Variants in KMT2C observed in about 807,000 individuals in gnomAD.
The protein encoded by KMT2C is histone-lysine N-methyltransferase 2C.
In KMT2C, 88 loss-of-function variants were observed where a neutral mutation model predicts 507.9. The ratio of observed to expected loss-of-function variants is 0.17; its 90% CI spans 0.15 to 0.21. The LOEUF (loss-of-function observed/expected upper bound fraction) is 0.21, where lower values mean the gene tolerates loss of function less well. Ranked by LOEUF, KMT2C falls within the 10% of genes least tolerant of loss-of-function variation. The pLI is 1.00. For missense variants in KMT2C, 4,954 were observed against 5,957.8 expected (o/e 0.83, Z 5.55); for synonymous variants, 2,049 against 2,080.8 (o/e 0.98, Z 0.42).
chr7:152,317,671 A>T (rs1253646999), intron 3 of KMT2C, among the ~76,000 whole-genome samples: 2 of 152,222 alleles, frequency 1.3e-5, no homozygotes, highest in Non-Finnish European at 2.9e-5. Flanking sequence ...ATTCTAACCC[A>T]CACAAAGGCT....
chr7:152,387,791 G>A (rs1156445634), intron 1 of KMT2C, among the ~76,000 whole-genome samples: 1 of 151,874 alleles, frequency 6.6e-6, no homozygotes, highest in African/African-American at 2.4e-5. Context: ...TGTTTTCAAA[G>A]AATATATATG....
chr7:152,397,765 T>C (rs1247625908), intron 1 of KMT2C, among the ~76,000 whole-genome samples: 1 of 152,174 alleles, frequency 6.6e-6, no homozygotes, highest in African/African-American at 2.4e-5. Flanking sequence ...CGAGATATGA[T>C]AGTTTTGTAA....
At chr7:152,228,282 C>T (rs1207574490) in intron 18 of KMT2C, among the ~76,000 whole-genome samples, 2 of 152,098 alleles carry the variant, frequency 1.3e-5, no homozygotes. Context: ...GGTTCTAAAA[C>T]CATAAAGTTT....
intron 1 of KMT2C, among the ~76,000 whole-genome samples, chr7:152,421,654 T>G (rs1036700201): frequency 1.3e-5 from 2 of 152,220 alleles, no homozygotes; most frequent in African/African-American, 4.8e-5. Context: ...CCAAATACTG[T>G]GTGTTCTAAC....
At chr7:152,153,043 T>C (rs964272806) in intron 48 of KMT2C, 89 bp from the exon 49 acceptor site, 54 of 1,462,302 alleles carry the variant, frequency 3.7e-5, no homozygotes, top group Non-Finnish European at 4.7e-5. Flanking sequence ...AAATCCTCTT[T>C]GCATGATACA....
intron 44 of KMT2C, among the ~76,000 whole-genome samples, chr7:152,157,254 G>T (rs1026954734): frequency 1.3e-5 from 2 of 150,698 alleles, no homozygotes; most frequent in South Asian, 2.1e-4. Flanking sequence ...CTTGAATTTG[G>T]GAGGCAGAGA....
Position 152,151,492 on chromosome 7 carries a change from G to T in KMT2C, c.12616C>A (p.Leu4206Ile). 2 of 1,614,136 alleles carry T rather than the reference G, an allele frequency of 1.2e-6. No individual in the cohort carries two copies. Among genetic ancestry groups the T allele is most frequent in the Non-Finnish European group, 1.7e-6 (2 of 1,179,990 alleles). Residue 4206 changes from leucine (L) to isoleucine (I), a missense_variant, in exon 50 of 59, where the codon CTT becomes ATT. This residue lies in a region of KMT2C where 417 missense variants were observed against 461.1 expected (regional missense o/e 0.90). Transcript: ENST00000262189. ...QWCCHCKVVI[L>I]GSGVRKSFKD... The stretch of plus-strand genomic sequence containing the variant: ...AAAGATTTCCGCACACCACTTCCAA[G>T]AATAACCACTTTACAATGACAACAC...
chr7:152,178,313 AG>A (rs2129116403), intron 37 of KMT2C, among the ~76,000 whole-genome samples: 1 of 152,302 alleles, frequency 6.6e-6, no homozygotes, highest in South Asian at 2.1e-4. Flanking sequence ...AATTGTTCAG[AG>A]ATAAGAACAA....
chr7:152,243,840 G>A (rs1715980625), intron 14 of KMT2C, among the ~76,000 whole-genome samples: 1 of 151,928 alleles, frequency 6.6e-6, no homozygotes, highest in Admixed American at 6.6e-5. Flanking sequence ...CAAATAATAC[G>A]TTTCATAAAA....
At chr7:152,403,709 GACACAT>G (rs772282061) in intron 1 of KMT2C, among the ~76,000 whole-genome samples, 259 of 148,654 alleles carry the variant, frequency 1.7e-3, no homozygotes, top group African/African-American at 4.1e-3. Flanking sequence ...GAAAAACTGG[GACACAT>G]ACACACACAC....
chr7:152,307,515 T>C (rs975080569), intron 6 of KMT2C, among the ~76,000 whole-genome samples: 16 of 152,268 alleles, frequency 1.1e-4, no homozygotes, highest in African/African-American at 3.4e-4. Context: ...GAGTTACCAC[T>C]AGATCCCTTC....
At chr7:152,340,092 T>C (rs2096976844) in intron 2 of KMT2C, among the ~76,000 whole-genome samples, 1 of 150,318 alleles carries the variant, frequency 6.7e-6, no homozygotes, top group East Asian at 2.0e-4. Context: ...GAAGGTATCC[T>C]CCCACCTCAG....
At chr7:152,174,373 T>C in intron 38 of KMT2C, 131 bp from the exon 39 acceptor site, 2 of 560,246 alleles carry the variant, frequency 3.6e-6, no homozygotes, top group Non-Finnish European at 6.2e-6. Flanking sequence ...ATGGCAACCT[T>C]ATCCTGGGTT....
At chr7:152,382,440 T>C (rs1053024236) in intron 1 of KMT2C, among the ~76,000 whole-genome samples, 1 of 152,124 alleles carries the variant, frequency 6.6e-6, no homozygotes, top group Non-Finnish European at 1.5e-5. Flanking sequence ...GTCACCTCAG[T>C]CACCATTACC....
chr7:152,324,038 G>A (rs918396943), intron 3 of KMT2C, among the ~76,000 whole-genome samples: 2 of 151,798 alleles, frequency 1.3e-5, no homozygotes, highest in African/African-American at 4.8e-5. Context: ...AGAAGGTAAG[G>A]CAGGAAGAAG....
rs587778512 is a variant in KMT2C at position 152,146,663 on chromosome 7, G to T, written c.13967C>A (p.Ala4656Glu). 2 of 1,613,818 alleles carry T rather than the reference G, an allele frequency of 1.2e-6. No homozygotes were observed. Among genetic ancestry groups the T allele is most frequent in the African/African-American group, 2.7e-5 (2 of 74,882 alleles). The change falls in exon 53 of 59, where the codon GCG (alanine) becomes GAG (glutamate). Residue 4656 changes from alanine to glutamate, a missense_variant. Physicochemically the swap from Ala to Glu is moderately radical, Grantham distance 107. Transcript: ENST00000262189. ...KKSEMLQLFP[A>E]YLKGEDLFGL... is the part of the protein sequence containing the mutation. Reference sequence around the variant, plus strand: ...AAACAGATCCTCTCCTTTTAAATACGCTGGGAAAAGCTGGAGCATTTCAGA... The same window carrying T: ...AAACAGATCCTCTCCTTTTAAATACTCTGGGAAAAGCTGGAGCATTTCAGA...
At chr7:152,389,117 C>T (rs1031029959) in intron 1 of KMT2C, among the ~76,000 whole-genome samples, 6 of 150,094 alleles carry the variant, frequency 4.0e-5, no homozygotes, top group African/African-American at 1.5e-4. Flanking sequence ...CTCCTGGCCT[C>T]GTGATCTGCC....
At chr7:152,193,046 G>A (rs943693323) in intron 31 of KMT2C, among the ~76,000 whole-genome samples, 1 of 152,142 alleles carries the variant, frequency 6.6e-6, no homozygotes, top group Non-Finnish European at 1.5e-5. Flanking sequence ...ATGATGGCGT[G>A]TGCCTGTGGT....
At chr7:152,419,336 G>A (rs187098679) in intron 1 of KMT2C, among the ~76,000 whole-genome samples, 1 of 152,196 alleles carries the variant, frequency 6.6e-6, no homozygotes, top group Non-Finnish European at 1.5e-5. Flanking sequence ...GGGCAACAGA[G>A]CGAGACTCTG....
Sources: allele counts gnomAD v4.1 joint callset (sites outside exome capture counted in the v4.1 genomes callset), GRCh38; gene constraint gnomAD v4.1.1; regional missense constraint gnomAD v4.1.1; transcripts MANE v1.5; gene names NCBI Gene and HGNC (gene_info 2026-07-23, HGNC 2026-07-21).